The following SLC45A4 variants were observed in gnomAD, a reference collection of about 807,000 sequenced individuals.
SLC45A4 encodes the protein polyamine-transporter SLC45A4.
SLC45A4 carries 32 observed loss-of-function variants against 63.7 expected under a neutral mutation model. That is an observed-to-expected ratio of 0.50 (90% confidence interval 0.38 to 0.67). The LOEUF (loss-of-function observed/expected upper bound fraction) is 0.67. Among genes scored for constraint, SLC45A4 ranks in the 30% least tolerant of loss-of-function variants. SLC45A4 has a pLI of 0.00. For missense variants in SLC45A4, 1,027 were observed against 1,157.7 expected, an observed-to-expected ratio of 0.89 and a Z score of 1.64; for synonymous variants, 535 against 510.0, an observed-to-expected ratio of 1.05 and a Z score of -0.66.
At chr8:141,289,715 C>A (rs1050493918) in intron 1 of SLC45A4, among the ~76,000 whole-genome samples, 1 of 152,078 alleles carries the variant, frequency 6.6e-6, no homozygotes, top group African/African-American at 2.4e-5. Flanking sequence ...GCGGCTGTGG[C>A]CTCTGCAGAG....
At chr8:141,284,866 C>T (rs577488946) in intron 1 of SLC45A4, among the ~76,000 whole-genome samples, 6 of 152,206 alleles carry the variant, frequency 3.9e-5, no homozygotes, top group East Asian at 3.9e-4. Context: ...AACAGCTGCC[C>T]GTGCCCCCTG....
intron 1 of SLC45A4, among the ~76,000 whole-genome samples, chr8:141,280,527 C>T (rs1395724322): frequency 2.0e-5 from 3 of 152,088 alleles, no homozygotes; most frequent in African/African-American, 4.8e-5. Flanking sequence ...GTGGGTCACG[C>T]GGGGCCCCTG....
chr8:141,231,776 A>T (rs1379308943), intron 2 of SLC45A4, among the ~76,000 whole-genome samples: 6 of 152,218 alleles, frequency 3.9e-5, no homozygotes, highest in Non-Finnish European at 8.8e-5. Context: ...CACGGCACCG[A>T]GCCATGGATC....
chr8:141,228,167 G>A (rs750334206), intron 2 of SLC45A4: 1 of 1,613,896 alleles, frequency 6.2e-7, no homozygotes, highest in Non-Finnish European at 8.5e-7. Flanking sequence ...TTTTGAAATT[G>A]AGCATTCTAA....
intron 1 of SLC45A4, among the ~76,000 whole-genome samples, chr8:141,293,215 G>T (rs1589860350): frequency 6.6e-6 from 1 of 152,220 alleles, no homozygotes; most frequent in South Asian, 2.1e-4. Flanking sequence ...AGCACTTTGG[G>T]AGGCTGAGGC....
intron 2 of SLC45A4, among the ~76,000 whole-genome samples, chr8:141,231,363 G>A (rs3739233): frequency 0.29 from 43,788 of 152,140 alleles, 6,599 homozygotes; most frequent in East Asian, 0.43. Flanking sequence ...AAGTTGGTGG[G>A]GGGAGGACCA....
intron 1 of SLC45A4, among the ~76,000 whole-genome samples, chr8:141,262,456 A>T (rs1380261543): frequency 6.7e-6 from 1 of 149,556 alleles, no homozygotes. Context: ...GAAAATTTTC[A>T]CAACCTACTC....
Position 141,274,101 on chromosome 8 carries a change from C to T in SLC45A4, c.-400-19472G>A, listed in dbSNP as rs548301038. ...AAAAATAGCTGGGCGTGGTGGCAGG[C>T]GCCGATAGTCCCAGCTACTCTGGAG... On this transcript the variant is annotated intron_variant, in intron 1 of 8. Transcript: ENST00000517878. Among the ~76,000 whole-genome samples the T allele has an allele frequency of 3.3e-5, 5 of 152,178 alleles. No homozygotes were observed. In the South Asian group the frequency reaches 6.2e-4, roughly 19 times the overall value.
chr8:141,214,140 C>T (rs1281182243), intron 7 of SLC45A4, among the ~76,000 whole-genome samples: 2 of 148,378 alleles, frequency 1.3e-5, no homozygotes, highest in African/African-American at 5.0e-5. Context: ...TGTAGTGAGC[C>T]GAGATTGCAC....
chr8:141,217,940 A>G lies in SLC45A4; in HGVS notation c.1629+71T>C, dbSNP rs948344903. ...GCACGAGGAAGAGGCCCCCCGGCCCAGCCCGTGAGCTTCTCCGTGAGCCGC... is the reference window on the plus strand; with the variant it reads ...GCACGAGGAAGAGGCCCCCCGGCCCGGCCCGTGAGCTTCTCCGTGAGCCGC... On this transcript the variant is annotated intron_variant, in intron 5 of 8. Transcript: ENST00000517878. The G allele has an allele frequency of 2.6e-5, 39 of 1,491,248 alleles. No homozygotes were observed. In the African/African-American group the frequency reaches 4.3e-4, roughly 16 times the overall value. The allele number at this position is 1,491,248 out of a possible 1,614,324, so 92.4% of individuals were successfully genotyped here.
chr8:141,269,450 G>C (rs566892065), intron 1 of SLC45A4, among the ~76,000 whole-genome samples: 1 of 144,722 alleles, frequency 6.9e-6, no homozygotes, highest in East Asian at 2.0e-4. Flanking sequence ...GTGTGTCGAT[G>C]TCTGCCTATG....
At chr8:141,271,107 C>A (rs940373722) in intron 1 of SLC45A4, among the ~76,000 whole-genome samples, 1 of 152,254 alleles carries the variant, frequency 6.6e-6, no homozygotes, top group Admixed American at 6.5e-5. Context: ...TGAGCCAGAA[C>A]GCTTGCCCGC....
intron 1 of SLC45A4, among the ~76,000 whole-genome samples, chr8:141,294,103 G>A (rs532056951): frequency 1.9e-4 from 29 of 152,270 alleles, no homozygotes; most frequent in African/African-American, 6.7e-4. Flanking sequence ...CAGACCAGGA[G>A]GACCTGAGTC....
intron 3 of SLC45A4, among the ~76,000 whole-genome samples, chr8:141,220,518 T>C (rs1235945271): frequency 3.9e-5 from 6 of 152,096 alleles, no homozygotes. Context: ...TCCAGATCAA[T>C]GTTGATGGCT....
intron 1 of SLC45A4, among the ~76,000 whole-genome samples, chr8:141,274,332 A>G (rs1829650012): frequency 6.6e-6 from 1 of 152,164 alleles, no homozygotes; most frequent in East Asian, 1.9e-4. Context: ...TCAGGAGTTC[A>G]AGACCAGCCT....
intron 2 of SLC45A4, among the ~76,000 whole-genome samples, chr8:141,233,313 TG>T (rs2154614361): frequency 6.6e-6 from 1 of 152,278 alleles, no homozygotes; most frequent in Non-Finnish European, 1.5e-5. Flanking sequence ...AGCAAGTTTT[TG>T]GAAATTAAGG....
chr8:141,297,437 G>A (rs1830598957), intron 1 of SLC45A4, among the ~76,000 whole-genome samples: 1 of 152,226 alleles, frequency 6.6e-6, no homozygotes. Context: ...AAATCCACAT[G>A]GAAATGTTTA....
At chr8:141,284,302 T>G (rs1162820964) in intron 1 of SLC45A4, among the ~76,000 whole-genome samples, 1 of 152,132 alleles carries the variant, frequency 6.6e-6, no homozygotes, top group East Asian at 1.9e-4. Context: ...AAAGAACAGG[T>G]GGCCACAGGG....
chr8:141,258,439 A>C (rs1769291186), intron 1 of SLC45A4, among the ~76,000 whole-genome samples: 1 of 152,256 alleles, frequency 6.6e-6, no homozygotes, highest in Non-Finnish European at 1.5e-5. Flanking sequence ...AGCAGGTTGC[A>C]TAAGAATCAC....
Sources: gnomAD v4.1 joint callset for allele counts (sites outside exome capture counted in the v4.1 genomes callset) on GRCh38, gnomAD v4.1.1 for gene constraint, MANE v1.5 for transcripts, NCBI Gene and HGNC (gene_info 2026-07-23, HGNC 2026-07-21) for gene names.